Variants in DLGAP1 observed in about 807,000 individuals in gnomAD.
DLGAP1 encodes disks large-associated protein 1.
Under a neutral mutation model 90.8 loss-of-function variants are expected in DLGAP1, and 11 were observed. That is an observed-to-expected ratio of 0.12 (90% CI 0.08 to 0.20). The LOEUF is 0.20. Ranked by LOEUF, DLGAP1 falls within the 10% of genes least tolerant of loss-of-function variation. The pLI is 1.00. For synonymous variants in DLGAP1, 558 were observed against 540.7 expected, an observed-to-expected ratio of 1.03 and a Z score of -0.44; for missense variants, 1,050 against 1,333.8, an observed-to-expected ratio of 0.79 and a Z score of 3.31.
At chr18:4,223,350 T>C (rs531072358) in intron 1 of DLGAP1, among the ~76,000 whole-genome samples, 4 of 152,312 alleles carry the variant, frequency 2.6e-5, no homozygotes, top group Non-Finnish European at 5.9e-5. Flanking sequence ...ATTTTCCAAA[T>C]GGAAGAAGTA....
At chr18:3,798,823 T>A (rs549756215) in intron 5 of DLGAP1, among the ~76,000 whole-genome samples, 2 of 152,292 alleles carry the variant, frequency 1.3e-5, no homozygotes, top group South Asian at 4.2e-4. Context: ...ATTTTTAATT[T>A]AAAAATTTTA....
intron 1 of DLGAP1, among the ~76,000 whole-genome samples, chr18:4,348,862 G>A (rs2081353321): frequency 6.6e-6 from 1 of 152,012 alleles, no homozygotes; most frequent in African/African-American, 2.4e-5. Flanking sequence ...ATAAGTAATT[G>A]AATTAATAGG....
chr18:4,234,134 A>G (rs544032248), intron 1 of DLGAP1, among the ~76,000 whole-genome samples: 1 of 150,720 alleles, frequency 6.6e-6, no homozygotes, highest in South Asian at 2.1e-4. Context: ...TCTTGGATGG[A>G]AGGTCAAATA....
At chr18:3,750,593 C>T (rs952845693) in intron 5 of DLGAP1, among the ~76,000 whole-genome samples, 4 of 152,188 alleles carry the variant, frequency 2.6e-5, no homozygotes, top group African/African-American at 9.7e-5. Context: ...CACCTTGGTT[C>T]TCCTAACCAT....
At chr18:3,662,054 A>G (rs186401568) in intron 7 of DLGAP1, among the ~76,000 whole-genome samples, 3 of 152,276 alleles carry the variant, frequency 2.0e-5, no homozygotes, top group African/African-American at 7.2e-5. Flanking sequence ...GGATTTTAGT[A>G]AGAAAACTTC....
At chr18:4,423,765 C>CATAT (rs2083090511) in intron 1 of DLGAP1, among the ~76,000 whole-genome samples, 1 of 142,200 alleles carries the variant, frequency 7.0e-6, no homozygotes, top group South Asian at 2.3e-4. Flanking sequence ...CCCAGGACAA[C>CATAT]ATATATAGAC....
At chr18:4,402,026 C>T (rs2082565797) in intron 1 of DLGAP1, among the ~76,000 whole-genome samples, 1 of 152,188 alleles carries the variant, frequency 6.6e-6, no homozygotes. Flanking sequence ...GGGACACAGA[C>T]AGGGAGAGTA....
At chr18:3,768,319 A>T (rs553393453) in intron 5 of DLGAP1, among the ~76,000 whole-genome samples, 1 of 152,306 alleles carries the variant, frequency 6.6e-6, no homozygotes, top group South Asian at 2.1e-4. Flanking sequence ...ATAAATGGAG[A>T]CACATAGCAT....
At chr18:4,236,416 G>A (rs1167246199) in intron 1 of DLGAP1, among the ~76,000 whole-genome samples, 1 of 152,168 alleles carries the variant, frequency 6.6e-6, no homozygotes, top group African/African-American at 2.4e-5. Flanking sequence ...ATGTGCCACT[G>A]AAGCACGGTG....
At chr18:3,561,266 C>CAAAAAAAAAAAAAAAA (rs71159092) in intron 9 of DLGAP1, among the ~76,000 whole-genome samples, 2 of 110,468 alleles carry the variant, frequency 1.8e-5, no homozygotes, top group Admixed American at 1.0e-4. Flanking sequence ...AAAAAAAAAA[C>CAAAAAAAAAAAAAAAA]AAAAAAAAAA....
chr18:3,712,407 T>A (rs1022647884), intron 7 of DLGAP1, among the ~76,000 whole-genome samples: 1 of 146,904 alleles, frequency 6.8e-6, no homozygotes, highest in Non-Finnish European at 1.6e-5. Context: ...GGCCGAGGCC[T>A]AGATACCCAG....
chr18:3,613,090 G>A (rs1310124627), intron 7 of DLGAP1, among the ~76,000 whole-genome samples: 5 of 151,990 alleles, frequency 3.3e-5, no homozygotes, highest in Admixed American at 6.6e-5. Flanking sequence ...CACCTGCCTC[G>A]GCTTCCCAAA....
At chr18:3,845,001 A>G (rs1161062805) in intron 4 of DLGAP1, among the ~76,000 whole-genome samples, 1 of 152,182 alleles carries the variant, frequency 6.6e-6, no homozygotes, top group African/African-American at 2.4e-5. Context: ...CATTCTTATT[A>G]AAAAGCTGGA....
chr18:3,770,695 T>C (rs1369451786), intron 5 of DLGAP1, among the ~76,000 whole-genome samples: 5 of 151,902 alleles, frequency 3.3e-5, no homozygotes, highest in Non-Finnish European at 5.9e-5. Context: ...GAAAGTATAA[T>C]TGCATACGCT....
At chr18:4,058,766 C>T (rs942153485) in intron 2 of DLGAP1, among the ~76,000 whole-genome samples, 1 of 152,296 alleles carries the variant, frequency 6.6e-6, no homozygotes, top group South Asian at 2.1e-4. Flanking sequence ...TTTCAATATG[C>T]CTTGAGACCT....
chr18:4,345,472 A>G (rs926927019), intron 1 of DLGAP1, among the ~76,000 whole-genome samples: 1 of 152,206 alleles, frequency 6.6e-6, no homozygotes, highest in Admixed American at 6.5e-5. Context: ...AGATACTCAC[A>G]ATAGGCACAC....
intron 3 of DLGAP1, among the ~76,000 whole-genome samples, chr18:3,899,924 ATCAAGG>A (rs1382358428): frequency 6.6e-6 from 1 of 152,216 alleles, no homozygotes; most frequent in African/African-American, 2.4e-5. Context: ...TAAACTTTTT[ATCAAGG>A]TTGATTTTTG....
intron 7 of DLGAP1, among the ~76,000 whole-genome samples, chr18:3,589,806 A>C (rs1471955254): frequency 6.6e-6 from 1 of 152,190 alleles, no homozygotes; most frequent in Non-Finnish European, 1.5e-5. Context: ...AGACTACCAG[A>C]GAGAAGGGCT....
intron 2 of DLGAP1, among the ~76,000 whole-genome samples, chr18:4,120,615 AG>A (rs2076137044): frequency 6.6e-6 from 1 of 152,220 alleles, no homozygotes; most frequent in Non-Finnish European, 1.5e-5. Context: ...AAAATATGGC[AG>A]AGTAATTGCC....
Sources: gnomAD v4.1 joint callset for allele counts (sites outside exome capture counted in the v4.1 genomes callset) on GRCh38, gnomAD v4.1.1 for gene constraint, MANE v1.5 for transcripts, NCBI Gene and HGNC (gene_info 2026-07-23, HGNC 2026-07-21) for gene names.